The following CNOT2 variants were observed in gnomAD, a reference collection of about 807,000 sequenced individuals.
CNOT2 encodes the protein CCR4-NOT transcription complex subunit 2.
In CNOT2, 7 loss-of-function variants were observed where a neutral mutation model predicts 72.1. The observed-to-expected ratio is 0.10, with a 90% CI of 0.06 to 0.18. The LOEUF (loss-of-function observed/expected upper bound fraction) is 0.18, where lower values mean the gene tolerates loss of function less well. Ranked by LOEUF, CNOT2 falls within the 10% of genes least tolerant of loss-of-function variation. The pLI is 1.00. For synonymous variants in CNOT2, 196 were observed against 225.6 expected, an observed-to-expected ratio of 0.87 and a Z score of 1.17; for missense variants, 345 against 660.3, an observed-to-expected ratio of 0.52 and a Z score of 5.23.
intron 14 of CNOT2, 158 bp downstream of exon 14, chr12:70,344,386 G>T: frequency 1.8e-6 from 1 of 560,482 alleles, no homozygotes; most frequent in Non-Finnish European, 3.1e-6. Context: ...GATTAAAACC[G>T]TATCTTAACC....
intron 1 of CNOT2, among the ~76,000 whole-genome samples, chr12:70,275,271 T>C (rs908616189): frequency 9.2e-5 from 14 of 152,124 alleles, no homozygotes; most frequent in Admixed American, 3.9e-4. Flanking sequence ...TTTTTTCCCC[T>C]GCTTTAAGAT....
At chr12:70,245,132 T>C (rs929767207) in intron 1 of CNOT2, among the ~76,000 whole-genome samples, 4 of 152,208 alleles carry the variant, frequency 2.6e-5, no homozygotes, top group African/African-American at 9.6e-5. Context: ...TGGTTAAGTG[T>C]CTATATTCAC....
chr12:70,257,355 T>C (rs376982807), intron 1 of CNOT2, among the ~76,000 whole-genome samples: 3,424 of 94,638 alleles, frequency 0.036, 121 homozygotes, highest in African/African-American at 0.11. Flanking sequence ...AACTACCCCC[T>C]TTTTTTTTTT....
At chr12:70,302,098 ATTC>A (rs1874121684) in intron 2 of CNOT2, among the ~76,000 whole-genome samples, 1 of 151,540 alleles carries the variant, frequency 6.6e-6, no homozygotes, top group South Asian at 2.1e-4. Flanking sequence ...CATCTATTTG[ATTC>A]TTCTCTCTTC....
intron 11 of CNOT2, among the ~76,000 whole-genome samples, chr12:70,340,889 CTTTTTT>C (rs55884675): frequency 2.3e-5 from 2 of 85,686 alleles, no homozygotes. Flanking sequence ...AACCCCAAAT[CTTTTTT>C]TTTTTTTTTT....
chr12:70,310,028 A>G lies in CNOT2; in HGVS notation c.49-867A>G, dbSNP rs372700014. 5.9e-5 allele frequency among the ~76,000 whole-genome samples: 9 copies of G among 152,044 alleles called. No homozygotes were observed. In the East Asian group the frequency reaches 1.3e-3, roughly 23 times the overall value. ...TTTTCTTGTAATTATTCCCTGAGCA[A>G]TACAGTGACTATTTATATAGCATTT... On this transcript the variant is annotated intron_variant, in intron 2 of 15. Coordinates refer to ENST00000229195, the MANE Select transcript of CNOT2 (RefSeq NM_014515.7).
intron 3 of CNOT2, among the ~76,000 whole-genome samples, chr12:70,318,501 T>A (rs898715424): frequency 1.3e-5 from 2 of 151,924 alleles, no homozygotes; most frequent in African/African-American, 4.8e-5. Context: ...GTTACACTTA[T>A]ACTCACTGCA....
intron 2 of CNOT2, among the ~76,000 whole-genome samples, chr12:70,304,950 C>T (rs931154125): frequency 5.3e-5 from 8 of 152,320 alleles, no homozygotes; most frequent in East Asian, 1.9e-4. Context: ...AGCCGGGCTC[C>T]GTGGGCGTAG....
chr12:70,303,079 C>A (rs1448063521), intron 2 of CNOT2, among the ~76,000 whole-genome samples: 1 of 152,194 alleles, frequency 6.6e-6, no homozygotes, highest in Non-Finnish European at 1.5e-5. Context: ...GTAGATCTTC[C>A]TCCATCCCTT....
At chr12:70,295,033 C>T (rs788375) in intron 2 of CNOT2, among the ~76,000 whole-genome samples, 111,178 of 151,962 alleles carry the variant, frequency 0.73, 41,385 homozygotes, top group East Asian at 0.94. Context: ...ATCTAAACAT[C>T]ACAGATTTAA....
intron 5 of CNOT2, 77 bp from the exon 6 acceptor site, chr12:70,330,210 G>A (rs1299759042): frequency 4.5e-6 from 3 of 660,522 alleles, no homozygotes; most frequent in Non-Finnish European, 7.8e-6. Flanking sequence ...TCTAGGGTTG[G>A]ACCAATTGAT....
At chr12:70,264,377 A>G (rs1296021314) in intron 1 of CNOT2, among the ~76,000 whole-genome samples, 1 of 152,020 alleles carries the variant, frequency 6.6e-6, no homozygotes, top group Admixed American at 6.5e-5. Flanking sequence ...GTCCCAAATA[A>G]AGTCTTTTCT....
chr12:70,255,692 C>G (rs942245171), intron 1 of CNOT2, among the ~76,000 whole-genome samples: 3 of 152,078 alleles, frequency 2.0e-5, no homozygotes, highest in African/African-American at 7.2e-5. Context: ...AAGGCACTTA[C>G]AAGCAAAATA....
At chr12:70,304,605 C>A (rs555856448) in intron 2 of CNOT2, among the ~76,000 whole-genome samples, 63 of 152,124 alleles carry the variant, frequency 4.1e-4, no homozygotes, top group Non-Finnish European at 8.5e-4. Context: ...TGTCAGTCCG[C>A]CCCTACTGGG....
At chr12:70,249,202 C>T (rs1186022336) in intron 1 of CNOT2, among the ~76,000 whole-genome samples, 1 of 151,788 alleles carries the variant, frequency 6.6e-6, no homozygotes, top group African/African-American at 2.4e-5. Context: ...AATTATAATG[C>T]CTATCCTGCA....
chr12:70,337,897 A>T, intron 9 of CNOT2: 1 of 358,696 alleles, frequency 2.8e-6, no homozygotes, highest in East Asian at 8.5e-5. Context: ...CTTCTTTCTG[A>T]CTTAACAAAT....
At chr12:70,254,738 T>A (rs1385996782) in intron 1 of CNOT2, among the ~76,000 whole-genome samples, 1 of 151,986 alleles carries the variant, frequency 6.6e-6, no homozygotes, top group Non-Finnish European at 1.5e-5. Context: ...TCCCAGCACT[T>A]TGGGAGGCCG....
At chr12:70,327,918 T>A (rs1448734949) in intron 4 of CNOT2, among the ~76,000 whole-genome samples, 1 of 151,946 alleles carries the variant, frequency 6.6e-6, no homozygotes, top group Non-Finnish European at 1.5e-5. Flanking sequence ...TGAAGAAATC[T>A]TAAGCAAGCT....
At chr12:70,290,634 C>G (rs1028010228) in intron 2 of CNOT2, 3 of 100,832 alleles carry the variant, frequency 3.0e-5, no homozygotes, top group Non-Finnish European at 5.6e-5. Context: ...GCTGCTACAA[C>G]TAATACTACC....
Sources: gnomAD v4.1 joint callset for allele counts (sites outside exome capture counted in the v4.1 genomes callset) on GRCh38, gnomAD v4.1.1 for gene constraint, MANE v1.5 for transcripts, NCBI Gene and HGNC (gene_info 2026-07-23, HGNC 2026-07-21) for gene names.